The following SEPTIN9 variants were observed in gnomAD, a reference collection of about 807,000 sequenced individuals.
SEPTIN9 encodes septin-9.
A neutral mutation model predicts 56.6 loss-of-function variants in SEPTIN9; 13 were observed. That is an observed-to-expected ratio of 0.23 (90% CI 0.15 to 0.37). SEPTIN9 has a LOEUF of 0.37. Ranked by LOEUF, SEPTIN9 falls within the 10% of genes least tolerant of loss-of-function variation. The pLI, the probability that SEPTIN9 is intolerant of heterozygous loss-of-function variation, is 1.00. For missense variants in SEPTIN9, 650 were observed against 823.1 expected, an observed-to-expected ratio of 0.79 and a Z score of 2.57; for synonymous variants, 332 against 334.1, an observed-to-expected ratio of 0.99 and a Z score of 0.07.
chr17:77,338,369 G>T (rs1225452226), intron 2 of SEPTIN9, among the ~76,000 whole-genome samples: 1 of 152,102 alleles, frequency 6.6e-6, no homozygotes, highest in African/African-American at 2.4e-5. Flanking sequence ...ACCAGGTGGT[G>T]GTTGCTGAAA....
chr17:77,412,129 C>CAAAA (rs756030644), intron 3 of SEPTIN9, among the ~76,000 whole-genome samples: 20 of 67,258 alleles, frequency 3.0e-4, no homozygotes, highest in Non-Finnish European at 4.4e-4. Flanking sequence ...GACTCCCTAT[C>CAAAA]AAAAAAAAAA....
intron 3 of SEPTIN9, among the ~76,000 whole-genome samples, chr17:77,417,997 A>T (rs985599174): frequency 3.3e-5 from 5 of 152,180 alleles, no homozygotes. Context: ...CCTGCCAGAC[A>T]CTGGGAGTGG....
At chr17:77,483,591 C>T (rs1261847671) in intron 4 of SEPTIN9, 1 of 152,248 alleles carries the variant, frequency 6.6e-6, no homozygotes. Flanking sequence ...GAGGGGCTGC[C>T]CTGCTCCCTA....
At chr17:77,470,813 CCT>C (rs2143032631) in intron 3 of SEPTIN9, 1 of 152,414 alleles carries the variant, frequency 6.6e-6, no homozygotes, top group South Asian at 2.1e-4. Flanking sequence ...CTTTCATAGG[CCT>C]CTCTTTGGCT....
chr17:77,284,626 TTTTA>T (rs1244967535), intron 1 of SEPTIN9, among the ~76,000 whole-genome samples: 2 of 152,098 alleles, frequency 1.3e-5, no homozygotes, highest in South Asian at 2.1e-4. Context: ...TGTTTTTTAA[TTTTA>T]TTTATTTATT....
chr17:77,355,708 C>T (rs1040910729), intron 2 of SEPTIN9, among the ~76,000 whole-genome samples: 9 of 152,208 alleles, frequency 5.9e-5, no homozygotes, highest in Admixed American at 1.3e-4. Flanking sequence ...CCTGGCCGGG[C>T]GCGGTGGCTC....
intron 3 of SEPTIN9, among the ~76,000 whole-genome samples, chr17:77,466,248 C>A (rs1033083650): frequency 6.6e-6 from 1 of 152,260 alleles, no homozygotes; most frequent in East Asian, 1.9e-4. Flanking sequence ...TAGTCTGTTA[C>A]CATCCCTCAG....
intron 10 of SEPTIN9, among the ~76,000 whole-genome samples, chr17:77,495,537 T>C (rs1356672293): frequency 6.6e-6 from 1 of 152,172 alleles, no homozygotes; most frequent in Non-Finnish European, 1.5e-5. Context: ...AATCCTCATG[T>C]CCCTGAGAGG....
rs1318416688 is a variant in SEPTIN9 at position 77,400,381 on chromosome 17, G to A, written c.77-1678G>A. 2.6e-5 allele frequency among the ~76,000 whole-genome samples: 4 copies of A among 152,164 alleles called. No homozygotes were observed. Among genetic ancestry groups the A allele is most frequent in the Admixed American group, 2.0e-4 (3 of 15,270 alleles). On this transcript the variant is annotated intron_variant, in intron 2 of 11. Coordinates refer to ENST00000427177, the MANE Select transcript of SEPTIN9 (RefSeq NM_001113491.2). The surrounding 1 kb of genome is among the most constrained non-coding windows in gnomAD (Gnocchi z 4.1). ...ACTGAGAGTTCTCTGGAGTCCACAC[G>A]GCTCCTTGCCCAGCTTCTGGTGGAG...
At chr17:77,466,654 G>T in intron 3 of SEPTIN9, 9 of 922,800 alleles carry the variant, frequency 9.8e-6, no homozygotes, top group Non-Finnish European at 1.0e-5. Context: ...GGCACACAGG[G>T]TCGGGGCAGT....
chr17:77,429,344 C>A lies in SEPTIN9; in HGVS notation c.721+26641C>A. Reference sequence around the variant, plus strand: ...CGACTGGCTCCTGCAGCCCACCTGGCTGAGAGGTGTGCTGGCTCTCGCAGG... The same window carrying A: ...CGACTGGCTCCTGCAGCCCACCTGGATGAGAGGTGTGCTGGCTCTCGCAGG... On this transcript the variant is annotated intron_variant, in intron 3 of 11. Coordinates refer to ENST00000427177, the MANE Select transcript of SEPTIN9 (RefSeq NM_001113491.2). This position sits in a 1 kb window ranked among gnomAD's most constrained non-coding sequence, Gnocchi z 5.2. The A allele has an allele frequency of 2.2e-6, 1 of 461,762 alleles. No homozygotes were observed. Among genetic ancestry groups the A allele is most frequent in the Non-Finnish European group, 4.5e-6 (1 of 220,506 alleles). 28.6% of individuals were successfully genotyped at this position (461,762 alleles called of 1,614,324 possible).
rs538888573 is a variant in SEPTIN9 at position 77,371,951 on chromosome 17, C to T, written c.77-30108C>T. Reference sequence around the variant, plus strand: ...TCCGCAAGAGACCCCCTGCCCCCCGCCTCTCCAGAATGGCTGGAGAGTCTC... The same window carrying T: ...TCCGCAAGAGACCCCCTGCCCCCCGTCTCTCCAGAATGGCTGGAGAGTCTC... On this transcript the variant is annotated intron_variant, in intron 2 of 11. Transcript: ENST00000427177. The surrounding 1 kb of genome is among the most constrained non-coding windows in gnomAD (Gnocchi z 4.1). Among the ~76,000 whole-genome samples, 6 of 152,302 alleles carry T rather than the reference C, an allele frequency of 3.9e-5. No individual in the cohort carries two copies. The South Asian group carries it at 1.2e-3, about 32-fold the overall frequency.
intron 2 of SEPTIN9, chr17:77,320,452 T>G: frequency 1.0e-6 from 1 of 995,608 alleles, no homozygotes; most frequent in Admixed American, 1.8e-5. Context: ...TTTTGCTCAT[T>G]TTTCACAGAA....
chr17:77,319,212 C>G lies in SEPTIN9; in HGVS notation c.76+12015C>G, dbSNP rs1219508259. Among the ~76,000 whole-genome samples, 1 of 152,200 alleles carries G rather than the reference C, an allele frequency of 6.6e-6. No homozygotes were observed. Among genetic ancestry groups the G allele is most frequent in the African/African-American group, 2.4e-5 (1 of 41,448 alleles). On this transcript the variant is annotated intron_variant, in intron 2 of 11. Transcript: ENST00000427177. This position sits in a 1 kb window ranked among gnomAD's most constrained non-coding sequence, Gnocchi z 5.3. ...AAGCTTAAAGACAGAGAGGATGCCC[C>G]TGATTCCCACCCCAGGGACCCACAT...
rs2143705441 is a variant in SEPTIN9, at chr17:77,330,702, A to G, written c.76+23505A>G. Among the ~76,000 whole-genome samples the G allele has an allele frequency of 6.6e-6, 1 of 152,360 alleles. No homozygotes were observed. The highest frequency in any genetic ancestry group is 1.9e-4 in the East Asian group (1 of 5,190). ...GCCTCGCTTGCCTCTCAGAGAGCAC[A>G]TGGCTTGACCATCACGGGGACTGGG... On this transcript the variant is annotated intron_variant, in intron 2 of 11. Transcript: ENST00000427177. This position sits in a 1 kb window ranked among gnomAD's most constrained non-coding sequence, Gnocchi z 4.4.
At chr17:77,398,877 C>G (rs897630165) in intron 2 of SEPTIN9, among the ~76,000 whole-genome samples, 2 of 152,078 alleles carry the variant, frequency 1.3e-5, no homozygotes, top group Admixed American at 6.5e-5. Flanking sequence ...GGTGCTGGAC[C>G]GAAACACCCA....
chr17:77,484,939 GGGA>G (rs1215367011), intron 4 of SEPTIN9, among the ~76,000 whole-genome samples: 3 of 146,052 alleles, frequency 2.1e-5, no homozygotes, highest in South Asian at 2.1e-4. Context: ...TGGTGGTGAT[GGGA>G]GTGATGCTGG....
intron 1 of SEPTIN9, among the ~76,000 whole-genome samples, chr17:77,297,902 T>C (rs1325348382): frequency 2.0e-5 from 3 of 152,154 alleles, no homozygotes; most frequent in South Asian, 2.1e-4. Context: ...ACAGAGATGA[T>C]GACAGCTGAG....
At chr17:77,486,517 T>C (rs1182913517) in intron 4 of SEPTIN9, among the ~76,000 whole-genome samples, 1 of 92,254 alleles carries the variant, frequency 1.1e-5, no homozygotes, top group African/African-American at 8.7e-5. Flanking sequence ...TGTGTGTGTG[T>C]GTGTGCGCGC....
Sources: allele counts gnomAD v4.1 joint callset (sites outside exome capture counted in the v4.1 genomes callset), GRCh38; gene constraint gnomAD v4.1.1; non-coding constraint Gnocchi (gnomAD v3.1); transcripts MANE v1.5; gene names NCBI Gene and HGNC (gene_info 2026-07-23, HGNC 2026-07-21).